Variants in ACSBG2 observed in about 807,000 individuals in gnomAD.
ACSBG2 encodes acyl-CoA synthetase bubblegum family member 2, also known as long-chain-fatty-acid--CoA ligase ACSBG2.
A neutral mutation model predicts 74.7 loss-of-function variants in ACSBG2; 62 were observed. The observed-to-expected ratio is 0.83, with a 90% CI of 0.68 to 1.03. ACSBG2 has a LOEUF of 1.03. Ranked by LOEUF, ACSBG2 falls within the 50% of genes least tolerant of loss-of-function variation. The probability of loss-of-function intolerance (pLI) is 0.00; values close to 1 mark genes in which losing one functional copy is unlikely to be tolerated. For synonymous variants in ACSBG2, 309 were observed against 294.1 expected (o/e 1.05, Z -0.52); for missense variants, 730 against 817.6 (o/e 0.89, Z 1.31).
At chr19:6,160,333 T>C (rs186201841) in intron 5 of ACSBG2, among the ~76,000 whole-genome samples, 2 of 140,548 alleles carry the variant, frequency 1.4e-5, no homozygotes, top group East Asian at 4.1e-4. Context: ...GAGCTTGGAG[T>C]GAGCTGAGAT....
chr19:6,165,362 C>G (rs982280430), intron 6 of ACSBG2, among the ~76,000 whole-genome samples: 4 of 152,332 alleles, frequency 2.6e-5, no homozygotes. Context: ...CATGTCCAGA[C>G]TTGATCCAAT....
intron 5 of ACSBG2, among the ~76,000 whole-genome samples, chr19:6,158,580 G>A (rs1010182395): frequency 6.6e-6 from 1 of 151,998 alleles, no homozygotes; most frequent in Non-Finnish European, 1.5e-5. Context: ...CCCTGGGAGG[G>A]GTGAGCCTAG....
At chr19:6,158,583 G>A (rs971791899) in intron 5 of ACSBG2, among the ~76,000 whole-genome samples, 3 of 152,096 alleles carry the variant, frequency 2.0e-5, no homozygotes, top group East Asian at 1.9e-4. Context: ...TGGGAGGGGT[G>A]AGCCTAGATG....
At chr19:6,161,868 T>A (rs1369766879) in intron 6 of ACSBG2, among the ~76,000 whole-genome samples, 1 of 151,936 alleles carries the variant, frequency 6.6e-6, no homozygotes, top group Non-Finnish European at 1.5e-5. Context: ...CCAAAACTGG[T>A]GGCTAAAAAA....
At chr19:6,190,497 G>A (rs1358270113) in intron 13 of ACSBG2, 87 bp from the exon 14 acceptor site, 1 of 1,169,526 alleles carries the variant, frequency 8.6e-7, no homozygotes, top group Non-Finnish European at 1.3e-6. Flanking sequence ...CTAGCCCCAG[G>A]CATGGGACTC....
intron 1 of ACSBG2, 116 bp from the exon 2 acceptor site, chr19:6,141,397 C>A: frequency 3.1e-6 from 2 of 639,392 alleles, no homozygotes; most frequent in South Asian, 3.9e-5. Flanking sequence ...CCAGGACAGG[C>A]ATGACCAATG....
At chr19:6,141,477 C>T in intron 1 of ACSBG2, 36 bp from the exon 2 acceptor site, 1 of 1,076,718 alleles carries the variant, frequency 9.3e-7, no homozygotes, top group Non-Finnish European at 1.4e-6. Flanking sequence ...GCCCCTTTGC[C>T]AATCCTGTTA....
chr19:6,152,146 C>T (rs1315780339), intron 4 of ACSBG2, among the ~76,000 whole-genome samples: 1 of 152,198 alleles, frequency 6.6e-6, no homozygotes, highest in Non-Finnish European at 1.5e-5. Context: ...GTCCTATCAT[C>T]CCCTATCTAC....
At chr19:6,162,434 G>T (rs759328013) in intron 6 of ACSBG2, among the ~76,000 whole-genome samples, 8 of 151,316 alleles carry the variant, frequency 5.3e-5, no homozygotes, top group Non-Finnish European at 1.2e-4. Context: ...AGGCGTGGTG[G>T]TGGGCGCCTG....
At chr19:6,151,057 T>G (rs1484539373) in intron 3 of ACSBG2, among the ~76,000 whole-genome samples, 3 of 146,952 alleles carry the variant, frequency 2.0e-5, no homozygotes, top group Non-Finnish European at 4.5e-5. Flanking sequence ...GAGGTTGCAG[T>G]GAGCCGAGAT....
intron 2 of ACSBG2, 95 bp from the exon 3 acceptor site, chr19:6,147,351 A>G: frequency 1.1e-6 from 1 of 938,170 alleles, no homozygotes; most frequent in East Asian, 2.6e-5. Flanking sequence ...TTCAACTCTC[A>G]GCACCTTAGG....
intron 4 of ACSBG2, among the ~76,000 whole-genome samples, chr19:6,154,757 C>T (rs1485967606): frequency 6.6e-6 from 1 of 152,018 alleles, no homozygotes; most frequent in Non-Finnish European, 1.5e-5. Flanking sequence ...GGTAATCCAC[C>T]TGCCTCAGCC....
intron 13 of ACSBG2, chr19:6,190,228 T>C: frequency 4.7e-6 from 1 of 213,058 alleles, no homozygotes; most frequent in Non-Finnish European, 9.7e-6. Context: ...ACTTGCTGGC[T>C]GACCTCAGAG....
chr19:6,186,797 C>T (rs1217787401), intron 11 of ACSBG2, among the ~76,000 whole-genome samples: 1 of 152,138 alleles, frequency 6.6e-6, no homozygotes, highest in African/African-American at 2.4e-5. Flanking sequence ...CTCAACTTCC[C>T]AGGCTCAGGT....
At chr19:6,150,209 C>A (rs1251181885) in intron 3 of ACSBG2, among the ~76,000 whole-genome samples, 1 of 151,718 alleles carries the variant, frequency 6.6e-6, no homozygotes, top group Non-Finnish European at 1.5e-5. Flanking sequence ...GAAGCTGGAA[C>A]CCTTGTGCAG....
chr19:6,182,642 G>C (rs1044579611), intron 8 of ACSBG2, 109 bp from the exon 9 acceptor site: 4 of 1,073,640 alleles, frequency 3.7e-6, no homozygotes, highest in African/African-American at 1.6e-5. Context: ...TGCGTAATCT[G>C]ATCAGTGAAG....
chr19:6,182,432 G>A (rs1037259542), intron 8 of ACSBG2, among the ~76,000 whole-genome samples: 1 of 152,192 alleles, frequency 6.6e-6, no homozygotes, highest in Non-Finnish European at 1.5e-5. Context: ...TTCTTTGTGT[G>A]CCTGAGTCTT....
In ACSBG2 at chr19:6,161,288, T is replaced by C. The variant is rs2089602107; in HGVS notation, c.581T>C (p.Leu194Ser). ...CTGCCAATGAAGAAGAACAACAACTTGTACTCTGTAAGTGTGGGAGGTGGG... is the reference window on the plus strand; with the variant it reads ...CTGCCAATGAAGAAGAACAACAACTCGTACTCTGTAAGTGTGGGAGGTGGG... ...YRLPMKKNNN[L>S]YSWDDFMELG... Residue 194 changes from leucine (L) to serine (S), a missense_variant, in exon 6 of 15, where the codon TTG becomes TCG. Coordinates refer to ENST00000588485, the MANE Select transcript of ACSBG2 (RefSeq NM_030924.5). 2.5e-6 allele frequency: 4 copies of C among 1,611,490 alleles called. No individual in the cohort carries two copies. The highest frequency in any genetic ancestry group is 3.4e-6 in the Non-Finnish European group (4 of 1,178,320).
At chr19:6,136,717 G>T (rs535595344) in intron 1 of ACSBG2, among the ~76,000 whole-genome samples, 1 of 152,240 alleles carries the variant, frequency 6.6e-6, no homozygotes, top group Non-Finnish European at 1.5e-5. Context: ...ATAACACAAA[G>T]CATATCTGTA....
Sources: allele counts gnomAD v4.1 joint callset (sites outside exome capture counted in the v4.1 genomes callset), GRCh38; gene constraint gnomAD v4.1.1; transcripts MANE v1.5; gene names NCBI Gene and HGNC (gene_info 2026-07-23, HGNC 2026-07-21).